NMNAT2: variants seen among roughly 807,000 people sequenced by gnomAD.
NMNAT2 encodes nicotinamide/nicotinic acid mononucleotide adenylyltransferase 2.
Under a neutral mutation model 41.6 loss-of-function variants are expected in NMNAT2, and 11 were observed. The observed-to-expected ratio is 0.26, with a 90% CI of 0.17 to 0.44. The LOEUF (loss-of-function observed/expected upper bound fraction) is 0.44, where lower values mean the gene tolerates loss of function less well. Ranked by LOEUF, NMNAT2 falls within the 20% of genes least tolerant of loss-of-function variation. NMNAT2 has a pLI of 1.00. For missense variants in NMNAT2, 288 were observed against 407.7 expected (o/e 0.71, Z 2.53); for synonymous variants, 148 against 151.2 (o/e 0.98, Z 0.16).
In NMNAT2 at chr1:183,307,828, C is replaced by G. The variant is rs529949118; in HGVS notation, c.86-14035G>C. On this transcript the variant is annotated intron_variant, in intron 1 of 10. Coordinates refer to ENST00000287713, the MANE Select transcript of NMNAT2 (RefSeq NM_015039.4). The stretch of plus-strand genomic sequence containing the variant: ...AACTTCTGACTTCAGGTGATCTGCA[C>G]GCCTCGTCCTCCCAGAGTGCTGGGA... Among the ~76,000 whole-genome samples the G allele has an allele frequency of 2.0e-5, 3 of 152,206 alleles. No homozygotes were observed. The South Asian group carries it at 6.2e-4, about 31-fold the overall frequency.
intron 1 of NMNAT2, among the ~76,000 whole-genome samples, chr1:183,328,322 GC>G (rs1662512161): frequency 6.6e-6 from 1 of 152,210 alleles, no homozygotes; most frequent in Non-Finnish European, 1.5e-5. Context: ...ACAGTCTGAA[GC>G]TGAGATCAGC....
In NMNAT2 at chr1:183,310,472, C is replaced by T. The variant is rs140302650; in HGVS notation, c.86-16679G>A. 3.7e-3 allele frequency among the ~76,000 whole-genome samples: 558 copies of T among 152,342 alleles called. 4 individuals are homozygous for T. The highest frequency in any genetic ancestry group is 0.013 in the African/African-American group (540 of 41,580). On this transcript the variant is annotated intron_variant, in intron 1 of 10. Coordinates refer to ENST00000287713, the MANE Select transcript of NMNAT2 (RefSeq NM_015039.4). Reference sequence around the variant, plus strand: ...TTGAGTCAAATGCATCCAGCCTGCTCTGGTCCCTCTCATGTCTCCAGTGAT... The same window carrying T: ...TTGAGTCAAATGCATCCAGCCTGCTTTGGTCCCTCTCATGTCTCCAGTGAT...
intron 1 of NMNAT2, among the ~76,000 whole-genome samples, chr1:183,403,718 G>T (rs944603032): frequency 1.3e-5 from 2 of 152,182 alleles, no homozygotes; most frequent in African/African-American, 2.4e-5. Flanking sequence ...CATTCCACAA[G>T]GGGTTCAGCA....
chr1:183,355,037 CCCTGAATGGT>C (rs1663152051), intron 1 of NMNAT2, among the ~76,000 whole-genome samples: 1 of 152,230 alleles, frequency 6.6e-6, no homozygotes, highest in African/African-American at 2.4e-5. Context: ...ACTCCACAGG[CCCTGAATGGT>C]CCATGCAACC....
chr1:183,300,751 A>C (rs1407631938), intron 1 of NMNAT2, among the ~76,000 whole-genome samples: 2 of 152,236 alleles, frequency 1.3e-5, no homozygotes, highest in East Asian at 3.8e-4. Context: ...GGTGGTGTGC[A>C]AACCCAGGCA....
chr1:183,374,137 T>A lies in NMNAT2; in HGVS notation c.85+44046A>T, dbSNP rs144683107. ...AGTAACTGCTCCAAGGTCATCCATG[T>A]AGGGTTGAGGGTCTGAACCAATTCC... On this transcript the variant is annotated intron_variant, in intron 1 of 10. Transcript: ENST00000287713. Among the ~76,000 whole-genome samples, 516 of 152,364 alleles carry A rather than the reference T, an allele frequency of 3.4e-3. 4 individuals are homozygous for A. The highest frequency in any genetic ancestry group is 0.012 in the African/African-American group (495 of 41,592).
chr1:183,285,096 A>G (rs1390064906), intron 5 of NMNAT2, among the ~76,000 whole-genome samples: 1 of 152,154 alleles, frequency 6.6e-6, no homozygotes, highest in Non-Finnish European at 1.5e-5. Flanking sequence ...TAAAGAGGAA[A>G]ACTTAATGCA....
At chr1:183,331,428 A>C (rs1662581874) in intron 1 of NMNAT2, among the ~76,000 whole-genome samples, 1 of 152,224 alleles carries the variant, frequency 6.6e-6, no homozygotes, top group African/African-American at 2.4e-5. Flanking sequence ...GATGAAAGGC[A>C]GGTATCTAGA....
chr1:183,318,171 G>A (rs747897619), intron 1 of NMNAT2, among the ~76,000 whole-genome samples: 2 of 152,194 alleles, frequency 1.3e-5, no homozygotes, highest in African/African-American at 4.8e-5. Flanking sequence ...CTAGGCTAGC[G>A]AAGTCTCTGC....
In NMNAT2 at chr1:183,307,794, C is replaced by G. The variant is rs147486076; in HGVS notation, c.86-14001G>C. 8.0e-3 allele frequency among the ~76,000 whole-genome samples: 1,212 copies of G among 152,278 alleles called. 16 individuals are homozygous for G. The highest frequency in any genetic ancestry group is 0.028 in the African/African-American group (1,145 of 41,554). Reference sequence around the variant, plus strand: ...TCGGGGTTTCAACATTTTGGCCAGTCTGGTCTCGAACTTCTGACTTCAGGT... The same window carrying G: ...TCGGGGTTTCAACATTTTGGCCAGTGTGGTCTCGAACTTCTGACTTCAGGT... On this transcript the variant is annotated intron_variant, in intron 1 of 10. Coordinates refer to ENST00000287713, the MANE Select transcript of NMNAT2 (RefSeq NM_015039.4).
intron 8 of NMNAT2, among the ~76,000 whole-genome samples, chr1:183,272,500 G>A (rs1420101973): frequency 6.6e-6 from 1 of 152,240 alleles, no homozygotes; most frequent in African/African-American, 2.4e-5. Context: ...TCACTGGTCA[G>A]AGAGGGTCAG....
rs200631690 is a variant in NMNAT2 at position 183,252,487 on chromosome 1, A to G, written c.*154T>C. On this transcript the variant is annotated 3_prime_UTR_variant, in exon 11 of 11. Transcript: ENST00000287713. ...AGATGACTGTGGAATAGGGAATGCC[A>G]TGGTTCTCTGCAGGTCCCCCACACT... 39 of 481,178 alleles carry G rather than the reference A, an allele frequency of 8.1e-5. No individual in the cohort carries two copies. The highest frequency in any genetic ancestry group is 5.3e-4 in the African/African-American group (27 of 50,888). 29.8% of individuals were successfully genotyped at this position (481,178 alleles called of 1,614,324 possible).
intron 1 of NMNAT2, among the ~76,000 whole-genome samples, chr1:183,406,407 G>A (rs1648955091): frequency 6.6e-6 from 1 of 152,132 alleles, no homozygotes; most frequent in African/African-American, 2.4e-5. Flanking sequence ...AAAAGAACTA[G>A]GTCCAACACA....
chr1:183,274,840 T>G (rs1289131434), intron 8 of NMNAT2, among the ~76,000 whole-genome samples: 1 of 151,556 alleles, frequency 6.6e-6, no homozygotes, highest in Non-Finnish European at 1.5e-5. Flanking sequence ...GGAAGATGAC[T>G]TGGGGATAGA....
At chr1:183,291,567 G>A (rs879170981) in intron 3 of NMNAT2, among the ~76,000 whole-genome samples, 2 of 152,168 alleles carry the variant, frequency 1.3e-5, no homozygotes, top group South Asian at 2.1e-4. Flanking sequence ...GCCCAGGGAA[G>A]GTGGTAGGCA....
In NMNAT2 at chr1:183,377,715, A is replaced by T. The variant is rs115327573; in HGVS notation, c.85+40468T>A. Among the ~76,000 whole-genome samples the T allele has an allele frequency of 6.6e-3, 1,003 of 152,358 alleles. 12 individuals are homozygous for T. Among genetic ancestry groups the T allele is most frequent in the African/African-American group, 0.023 (945 of 41,584 alleles). ...ACATGTTCAGTTTTCAACAATAACA[A>T]CAAAAAGTACAAGGCAACAAAAAGG... On this transcript the variant is annotated intron_variant, in intron 1 of 10. Coordinates refer to ENST00000287713, the MANE Select transcript of NMNAT2 (RefSeq NM_015039.4).
At chr1:183,268,381 C>T (rs1660876208) in intron 8 of NMNAT2, among the ~76,000 whole-genome samples, 1 of 152,168 alleles carries the variant, frequency 6.6e-6, no homozygotes, top group Non-Finnish European at 1.5e-5. Flanking sequence ...GATATGGATT[C>T]ATCTCTTGGA....
chr1:183,326,992 A>G (rs573269790), intron 1 of NMNAT2, among the ~76,000 whole-genome samples: 1 of 151,988 alleles, frequency 6.6e-6, no homozygotes, highest in Admixed American at 6.6e-5. Flanking sequence ...AGCTATCCCC[A>G]TTACCCTTTC....
chr1:183,363,743 G>A (rs909235051), intron 1 of NMNAT2, among the ~76,000 whole-genome samples: 1 of 152,208 alleles, frequency 6.6e-6, no homozygotes, highest in African/African-American at 2.4e-5. Flanking sequence ...TGTAAAATCT[G>A]CAATTTTGAA....
Sources: allele counts gnomAD v4.1 joint callset (sites outside exome capture counted in the v4.1 genomes callset), GRCh38; gene constraint gnomAD v4.1.1; transcripts MANE v1.5; gene names NCBI Gene and HGNC (gene_info 2026-07-23, HGNC 2026-07-21).